GLP1R: variants seen among roughly 807,000 people sequenced by gnomAD.
The protein encoded by GLP1R is glucagon like peptide 1 receptor.
Under a neutral mutation model 68.4 loss-of-function variants are expected in GLP1R, and 32 were observed. That is an observed-to-expected ratio of 0.47 (90% CI 0.35 to 0.63). The LOEUF is 0.63. Ranked by LOEUF, GLP1R falls within the 20% of genes least tolerant of loss-of-function variation. The pLI, the probability that GLP1R is intolerant of heterozygous loss-of-function variation, is 0.00. For synonymous variants in GLP1R, 263 were observed against 244.4 expected (o/e 1.08, Z -0.71); for missense variants, 502 against 594.9 (o/e 0.84, Z 1.62).
intron 11 of GLP1R, among the ~76,000 whole-genome samples, chr6:39,080,051 C>T (rs183282261): frequency 1.9e-3 from 291 of 152,288 alleles, no homozygotes; most frequent in Non-Finnish European, 3.6e-3. Context: ...GCAGGGTTAG[C>T]CTCACTTTAC....
Position 39,057,452 on chromosome 6 carries a change from A to T in GLP1R, c.176-20A>T, listed in dbSNP as rs199500071. 1.5e-4 allele frequency: 228 copies of T among 1,519,712 alleles called. 1 individual carries two copies. The highest frequency in any genetic ancestry group is 1.7e-4 in the Middle Eastern group (1 of 5,904). The allele number at this position is 1,519,712 out of a possible 1,614,324, so 94.1% of individuals were successfully genotyped here. A position where few individuals can be genotyped will look rare whatever the true frequency, so the allele number is the denominator to read the frequency against. On this transcript the variant is annotated intron_variant, in intron 2 of 12. Coordinates refer to ENST00000373256, the MANE Select transcript of GLP1R (RefSeq NM_002062.5). ...GCCAGTCACAAGCAGGGACTCAGAG[A>T]CTGTTCTTTCTGCTCCCAGACTTGT...
At chr6:39,070,883 GT>G (rs1318295141) in intron 5 of GLP1R, among the ~76,000 whole-genome samples, 1 of 151,864 alleles carries the variant, frequency 6.6e-6, no homozygotes, top group Admixed American at 6.5e-5. Flanking sequence ...TCATTTTATG[GT>G]TTTTTATGCA....
At chr6:39,077,976 T>C (rs1297884442) in intron 7 of GLP1R, among the ~76,000 whole-genome samples, 1 of 152,186 alleles carries the variant, frequency 6.6e-6, no homozygotes, top group Non-Finnish European at 1.5e-5. Flanking sequence ...TCCGTCATGC[T>C]GTCCCCACCG....
chr6:39,063,300 C>T (rs1487755768), intron 3 of GLP1R, among the ~76,000 whole-genome samples: 1 of 152,144 alleles, frequency 6.6e-6, no homozygotes, highest in Non-Finnish European at 1.5e-5. Flanking sequence ...GACTTGGCCC[C>T]AGTGAAGAAT....
chr6:39,048,865 C>A lies in GLP1R; in HGVS notation c.25C>A (p.Arg9Ser). 1 of 1,497,674 alleles carries A rather than the reference C, an allele frequency of 6.7e-7. No homozygotes were observed. The highest frequency in any genetic ancestry group is 1.2e-5 in the South Asian group (1 of 80,160). The allele number at this position is 1,497,674 out of a possible 1,614,324, so 92.8% of individuals were successfully genotyped here. A position where few individuals can be genotyped will look rare whatever the true frequency, so the allele number is the denominator to read the frequency against. The stretch of plus-strand genomic sequence containing the variant: ...CATGGCCGGCGCCCCCGGCCCGCTG[C>A]GCCTTGCGCTGCTGCTGCTCGGGAT... MAGAPGPL[R>S]LALLLLGMVG... The change falls in exon 1 of 13, where the codon CGC becomes AGC. Residue 9 changes from arginine to serine, a missense_variant. Coordinates refer to ENST00000373256, the MANE Select transcript of GLP1R (RefSeq NM_002062.5).
chr6:39,071,562 T>C (rs1768668434), intron 5 of GLP1R, among the ~76,000 whole-genome samples: 1 of 152,138 alleles, frequency 6.6e-6, no homozygotes, highest in East Asian at 1.9e-4. Flanking sequence ...GTACCATTTA[T>C]TGATAGCCTT....
chr6:39,060,022 TC>T (rs1207283545), intron 3 of GLP1R, among the ~76,000 whole-genome samples: 1 of 152,028 alleles, frequency 6.6e-6, no homozygotes, highest in Non-Finnish European at 1.5e-5. Context: ...GCTAATTTAC[TC>T]CCTTTTTTGA....
intron 3 of GLP1R, 21 bp downstream of exon 3, chr6:39,057,600 GGTA>G: frequency 4.2e-6 from 6 of 1,437,052 alleles, no homozygotes; most frequent in Non-Finnish European, 5.8e-6. Context: ...TCCCCGACCT[GGTA>G]CCTGCCCTGG....
In GLP1R at chr6:39,073,601, T is replaced by C; in HGVS notation, c.664-9T>C. 6.2e-7 allele frequency: 1 copy of C among 1,613,110 alleles called. No individual in the cohort carries two copies. ...TGTTGTCCCCATGACACCCTTCCTC[T>C]ACCCCCAGGACTCTCTGAGCTGCCG... On this transcript the variant is annotated splice_polypyrimidine_tract_variant and intron_variant, in intron 6 of 12. Coordinates refer to ENST00000373256, the MANE Select transcript of GLP1R (RefSeq NM_002062.5).
intron 1 of GLP1R, among the ~76,000 whole-genome samples, chr6:39,051,881 C>G (rs1768096638): frequency 7.6e-6 from 1 of 131,934 alleles, no homozygotes; most frequent in Non-Finnish European, 1.5e-5. Flanking sequence ...GTGGGAGGGT[C>G]TGTGTGTGTG....
chr6:39,065,715 G>T lies in GLP1R; in HGVS notation c.288G>T (p.Pro96=), dbSNP rs139817433. 9 of 1,559,798 alleles carry T rather than the reference G, an allele frequency of 5.8e-6. No individual in the cohort carries two copies. The African/African-American group carries it at 1.1e-4, about 19-fold the overall frequency. Residue 96 remains proline (P), a synonymous_variant, in exon 4 of 13, where the codon CCG becomes CCT. Transcript: ENST00000373256. ...PWYLPWASSV[P]QGHVYRFCTA... ...GGCCAGGTCTCCCCACCCCAGTGCCGCAGGGCCACGTGTACCGGTTCTGCA... is the reference window on the plus strand; with the variant it reads ...GGCCAGGTCTCCCCACCCCAGTGCCTCAGGGCCACGTGTACCGGTTCTGCA...
In GLP1R at chr6:39,065,774, C is replaced by A; in HGVS notation, c.347C>A (p.Ser116Tyr). 6.3e-7 allele frequency: 1 copy of A among 1,594,950 alleles called. No homozygotes were observed. The highest frequency in any genetic ancestry group is 8.5e-7 in the Non-Finnish European group (1 of 1,170,736). Residue 116 changes from serine (S) to tyrosine (Y), a missense_variant, in exon 4 of 13, where the codon TCC becomes TAC. By Grantham distance (144) the Ser-to-Tyr change is moderately radical. Coordinates refer to ENST00000373256, the MANE Select transcript of GLP1R (RefSeq NM_002062.5). The stretch of plus-strand genomic sequence containing the variant: ...GGCCTCTGGCTGCAGAAGGACAACT[C>A]CAGCCTGCCCTGGAGGGACTTGTCG... The part of the protein sequence containing the change: ...AEGLWLQKDN[S>Y]SLPWRDLSEC...
intron 1 of GLP1R, among the ~76,000 whole-genome samples, chr6:39,051,277 A>G (rs923105490): frequency 1.3e-5 from 2 of 152,190 alleles, no homozygotes; most frequent in African/African-American, 2.4e-5. Flanking sequence ...ACATAGGGTT[A>G]TGGAGGGGAT....
In GLP1R at chr6:39,079,018, G is replaced by A. The variant is rs10305492; in HGVS notation, c.946G>A (p.Ala316Thr). 21,639 of 1,613,926 alleles carry A rather than the reference G, an allele frequency of 0.013. 190 individuals are homozygous for A. The highest frequency in any genetic ancestry group is 0.016 in the Non-Finnish European group (18,902 of 1,179,808). ...WLIIRLPILFAIGVNFLIFVR... is the reference protein window; with the variant it reads ...WLIIRLPILFTIGVNFLIFVR... ...CATTATCCGGCTGCCCATTCTCTTT[G>A]CCATTGGGGTGAGTGATGGTGTCAG... is the stretch of plus-strand genomic sequence containing the variant. Residue 316 changes from alanine to threonine, a missense_variant, in exon 9 of 13, where the codon GCC (alanine) becomes ACC (threonine). Ala to Thr is a moderately conservative substitution (Grantham distance 58). Coordinates refer to ENST00000373256, the MANE Select transcript of GLP1R (RefSeq NM_002062.5). The surrounding 1 kb of genome is among the most constrained non-coding windows in gnomAD (Gnocchi z 4.5).
intron 7 of GLP1R, among the ~76,000 whole-genome samples, chr6:39,077,498 C>T (rs376712921): frequency 6.6e-6 from 1 of 152,218 alleles, no homozygotes; most frequent in East Asian, 1.9e-4. Context: ...TGGTTTCCCC[C>T]AGAGCAAGTG....
intron 12 of GLP1R, among the ~76,000 whole-genome samples, chr6:39,083,535 C>T (rs1480073923): frequency 6.6e-6 from 1 of 152,164 alleles, no homozygotes; most frequent in Non-Finnish European, 1.5e-5. Context: ...GGTGGTTTTG[C>T]TGTAGCTTGT....
chr6:39,078,387 G>A lies in GLP1R; in HGVS notation c.884+5G>A. 1 of 1,605,118 alleles carries A rather than the reference G, an allele frequency of 6.2e-7. No homozygotes were observed. Among genetic ancestry groups the A allele is most frequent in the Non-Finnish European group, 8.5e-7 (1 of 1,171,784 alleles). ...GTACCTCTATGAGGACGAGGGGTGAGTGTCCTGCTCCAAGGGGGCGGGTGT... is the reference window on the plus strand; with the variant it reads ...GTACCTCTATGAGGACGAGGGGTGAATGTCCTGCTCCAAGGGGGCGGGTGT... On this transcript the variant is annotated splice_donor_5th_base_variant and intron_variant, in intron 8 of 12. Transcript: ENST00000373256.
rs1276594728 is a variant in GLP1R at position 39,088,607 on chromosome 6, A to G, written c.*2534A>G. On this transcript the variant is annotated 3_prime_UTR_variant, in exon 13 of 13. Coordinates refer to ENST00000373256, the MANE Select transcript of GLP1R (RefSeq NM_002062.5). ...CTTCAGCACTCTGGCCAGCTTCCTC[A>G]AACTTGTTAGTGGCTTGCATTTTGT... 6.6e-6 allele frequency among the ~76,000 whole-genome samples: 1 copy of G among 152,202 alleles called. No individual in the cohort carries two copies. Among genetic ancestry groups the G allele is most frequent in the African/African-American group, 2.4e-5 (1 of 41,446 alleles).
At chr6:39,083,580 G>A (rs1361792427) in intron 12 of GLP1R, among the ~76,000 whole-genome samples, 1 of 152,226 alleles carries the variant, frequency 6.6e-6, no homozygotes, top group Admixed American at 6.5e-5. Flanking sequence ...TCAGAGCCCT[G>A]AGTGCTTGTC....
Sources: allele counts gnomAD v4.1 joint callset (sites outside exome capture counted in the v4.1 genomes callset), GRCh38; gene constraint gnomAD v4.1.1; non-coding constraint Gnocchi (gnomAD v3.1); transcripts MANE v1.5; gene names NCBI Gene and HGNC (gene_info 2026-07-23, HGNC 2026-07-21).